Variants in TIMD4 observed in about 807,000 individuals in gnomAD.
TIMD4 encodes the protein T cell immunoglobulin and mucin domain containing 4.
In TIMD4, 31 loss-of-function variants were observed where a neutral mutation model predicts 41.2. The ratio of observed to expected loss-of-function variants is 0.75; its 90% CI spans 0.57 to 1.01. TIMD4 has a LOEUF of 1.01. TIMD4 is among the 50% of genes least tolerant of loss of function. The pLI, the probability that TIMD4 is intolerant of heterozygous loss-of-function variation, is 0.00. For missense variants in TIMD4, 479 were observed against 472.5 expected, an observed-to-expected ratio of 1.01 and a Z score of -0.13; for synonymous variants, 204 against 177.1, an observed-to-expected ratio of 1.15 and a Z score of -1.21.
At chr5:156,924,649 A>G (rs1198232498) in intron 6 of TIMD4, 1 of 168,768 alleles carries the variant, frequency 5.9e-6, no homozygotes, top group Non-Finnish European at 1.3e-5. Context: ...ATAGTCGTGG[A>G]AGATTTTTGG....
At position 156,954,491 on chromosome 5, in the gene TIMD4, A is replaced by C. The variant is rs889310322; in HGVS notation, c.324T>G (p.Gly108=). 1.9e-6 allele frequency: 3 copies of C among 1,614,084 alleles called. No individual in the cohort carries two copies. Among genetic ancestry groups the C allele is most frequent in the Non-Finnish European group, 2.5e-6 (3 of 1,180,052 alleles). Residue 108 remains glycine, a synonymous_variant, in exon 2 of 9, where the codon GGT becomes GGG. Transcript: ENST00000274532. ...TILNPSESDS[G]VYCCRIEVPG... is the part of the protein sequence containing the mutation. ...GCACTTCTATGCGGCAGCAGTACAC[A>C]CCGCTGTCACTTTCACTGGGGTTTA...
Position 156,951,007 on chromosome 5 carries a change from T to TACACAC in TIMD4, c.679+499_679+504dup, listed in dbSNP as rs3068099. On this transcript the variant is annotated intron_variant, in intron 3 of 8. Transcript: ENST00000274532. ...ACAATTTGGTGAAAACACCTCCTCG[T>TACACAC]ACACACACACACACACACACACACC... Among the ~76,000 whole-genome samples, 716 of 149,466 alleles carry TACACAC rather than the reference T, an allele frequency of 4.8e-3. 2 individuals are homozygous for TACACAC. Among genetic ancestry groups the TACACAC allele is most frequent in the African/African-American group, 0.017 (679 of 40,868 alleles).
intron 3 of TIMD4, 105 bp from the exon 4 acceptor site, chr5:156,949,836 G>T: frequency 2.8e-6 from 2 of 705,034 alleles, no homozygotes; most frequent in Non-Finnish European, 5.0e-6. Flanking sequence ...TTAATTTTTT[G>T]AAACAGAGTC....
chr5:156,958,092 T>C (rs957284302), intron 1 of TIMD4, among the ~76,000 whole-genome samples: 1 of 151,632 alleles, frequency 6.6e-6, no homozygotes, highest in Non-Finnish European at 1.5e-5. Flanking sequence ...GCCAACATAG[T>C]GAAAGCCCGT....
At chr5:156,927,392 T>A (rs1197321451) in intron 5 of TIMD4, among the ~76,000 whole-genome samples, 1 of 152,194 alleles carries the variant, frequency 6.6e-6, no homozygotes, top group South Asian at 2.1e-4. Flanking sequence ...ATGGTGCCCA[T>A]GTCAGATGGC....
chr5:156,926,670 C>G (rs1759354115), intron 5 of TIMD4, among the ~76,000 whole-genome samples: 1 of 152,118 alleles, frequency 6.6e-6, no homozygotes, highest in Admixed American at 6.5e-5. Flanking sequence ...TTACTGAGCA[C>G]CTATTATAGG....
chr5:156,954,568 T>C lies in TIMD4; in HGVS notation c.247A>G (p.Lys83Glu), dbSNP rs764654169. The change falls in exon 2 of 9, where the codon AAA becomes GAA. Residue 83 changes from lysine (K) to glutamate (E), a missense_variant. Physicochemically the swap from Lys to Glu is moderately conservative, Grantham distance 56. Coordinates refer to ENST00000274532, the MANE Select transcript of TIMD4 (RefSeq NM_138379.3). ...GMRVTSRKSA[K>E]YRLQGTIPRG... ...GGGATAGTCCCCTGAAGTCTATATT[T>C]TGCTGACTTTCTTGAGGTCACCCTC... 6.2e-7 allele frequency: 1 copy of C among 1,614,258 alleles called. No homozygotes were observed. Among genetic ancestry groups the C allele is most frequent in the Non-Finnish European group, 8.5e-7 (1 of 1,180,046 alleles).
rs1385620313 is a variant in TIMD4 at position 156,951,676 on chromosome 5, A to G, written c.515T>C (p.Val172Ala). 1 of 1,614,046 alleles carries G rather than the reference A, an allele frequency of 6.2e-7. No homozygotes were observed. Among genetic ancestry groups the G allele is most frequent in the Non-Finnish European group, 8.5e-7 (1 of 1,179,986 alleles). ...TTPAALPTTV[V>A]TTPDLTTGTP... ...TCCGGTTGTGAGATCGGGTGTGGTC[A>G]CGACTGTTGTTGGAAGTGCAGCTGG... Residue 172 changes from valine (V) to alanine (A), a missense_variant, in exon 3 of 9, where the codon GTG becomes GCG. Val to Ala is a moderately conservative substitution (Grantham distance 64). Transcript: ENST00000274532.
rs1394423936 is a variant in TIMD4 at position 156,936,930 on chromosome 5, T to TG, written c.845-10619dup. The stretch of plus-strand genomic sequence containing the variant: ...CTGGGTAAGAGAGCGAGACTCCGTC[T>TG]GGAAAAAAAAAAAAAAAAAAAGGAA... On this transcript the variant is annotated intron_variant, in intron 5 of 8. Coordinates refer to ENST00000274532, the MANE Select transcript of TIMD4 (RefSeq NM_138379.3). Among the ~76,000 whole-genome samples the TG allele has an allele frequency of 3.1e-3, 390 of 125,308 alleles. 1 individual carries two copies. Among genetic ancestry groups the TG allele is most frequent in the African/African-American group, 0.014 (375 of 26,144 alleles). The allele number at this position is 125,308 out of a possible 152,430, so 82.2% of individuals were successfully genotyped here.
chr5:156,949,527 G>GGGA (rs1214874835), intron 4 of TIMD4, 124 bp downstream of exon 4: 3 of 782,756 alleles, frequency 3.8e-6, no homozygotes, highest in Non-Finnish European at 6.5e-6. Flanking sequence ...TTGCCACAGG[G>GGGA]GGATTTTATG....
chr5:156,950,103 C>T (rs1458070470), intron 3 of TIMD4, among the ~76,000 whole-genome samples: 1 of 138,696 alleles, frequency 7.2e-6, no homozygotes, highest in Non-Finnish European at 1.5e-5. Flanking sequence ...CAGGCATGAG[C>T]CACCACACCT....
intron 5 of TIMD4, among the ~76,000 whole-genome samples, chr5:156,940,585 A>G (rs1159345083): frequency 1.4e-5 from 2 of 144,154 alleles, no homozygotes; most frequent in African/African-American, 2.8e-5. Context: ...CTGGGATGTG[A>G]GGAGCGCCTC....
chr5:156,932,178 T>A (rs541352996), intron 5 of TIMD4, among the ~76,000 whole-genome samples: 27 of 152,188 alleles, frequency 1.8e-4, no homozygotes, highest in Non-Finnish European at 2.9e-4. Flanking sequence ...CAATTAAAAT[T>A]ATTCTTCCTA....
At chr5:156,921,636 A>C (rs1759242986) in intron 7 of TIMD4, among the ~76,000 whole-genome samples, 1 of 150,734 alleles carries the variant, frequency 6.6e-6, no homozygotes, top group African/African-American at 2.4e-5. Context: ...AAAAAAAAAA[A>C]AAAAAAAAAA....
At chr5:156,926,436 T>G in intron 5 of TIMD4, 124 bp from the exon 6 acceptor site, 1 of 935,886 alleles carries the variant, frequency 1.1e-6, no homozygotes, top group Non-Finnish European at 1.6e-6. Context: ...TTTAATCCCG[T>G]GTTTTTTGTA....
intron 2 of TIMD4, 60 bp from the exon 3 acceptor site, chr5:156,951,850 G>A: frequency 6.3e-7 from 1 of 1,599,546 alleles, no homozygotes; most frequent in South Asian, 1.1e-5. Flanking sequence ...AGAAAATAAT[G>A]CAAGTATATC....
In TIMD4 at chr5:156,952,177, C is replaced by G. The variant is rs181923394; in HGVS notation, c.401-387G>C. On this transcript the variant is annotated intron_variant, in intron 2 of 8. Coordinates refer to ENST00000274532, the MANE Select transcript of TIMD4 (RefSeq NM_138379.3). ...TGGTGGTGTGTGCCTGTAATCCTAG[C>G]TACTCAGGAGGCTGAGGCAGGAGAA... 5.3e-5 allele frequency among the ~76,000 whole-genome samples: 8 copies of G among 151,878 alleles called. No individual in the cohort carries two copies. In the East Asian group the frequency reaches 1.5e-3, roughly 29 times the overall value.
chr5:156,932,976 C>T (rs976381585), intron 5 of TIMD4, among the ~76,000 whole-genome samples: 6 of 150,354 alleles, frequency 4.0e-5, no homozygotes, highest in Admixed American at 4.0e-4. Flanking sequence ...TGCACTCCAG[C>T]CTGGGCAACC....
intron 5 of TIMD4, among the ~76,000 whole-genome samples, chr5:156,934,431 G>T (rs59769557): frequency 0.022 from 3,296 of 151,792 alleles, 59 homozygotes; most frequent in East Asian, 0.052. Flanking sequence ...AGTGTGTGTG[G>T]TTTTTTTTGT....
Sources: allele counts gnomAD v4.1 joint callset (sites outside exome capture counted in the v4.1 genomes callset), GRCh38; gene constraint gnomAD v4.1.1; transcripts MANE v1.5; gene names NCBI Gene and HGNC (gene_info 2026-07-23, HGNC 2026-07-21).